NRXN3: variants seen among roughly 807,000 people sequenced by gnomAD.
NRXN3 encodes the protein neurexin 3.
In NRXN3, 32 loss-of-function variants were observed where a neutral mutation model predicts 137.6. The observed-to-expected ratio is 0.23, with a 90% confidence interval of 0.18 to 0.31. The LOEUF (loss-of-function observed/expected upper bound fraction) is 0.31, where lower values mean the gene tolerates loss of function less well. Among genes scored for constraint, NRXN3 ranks in the 10% least tolerant of loss-of-function variants. The pLI is 1.00. For missense variants in NRXN3, 1,574 were observed against 2,062.5 expected (o/e 0.76, Z 4.59); for synonymous variants, 798 against 784.5 (o/e 1.02, Z -0.29).
chr14:79,534,478 A>G (rs2097194905), intron 16 of NRXN3, among the ~76,000 whole-genome samples: 1 of 152,192 alleles, frequency 6.6e-6, no homozygotes, highest in African/African-American at 2.4e-5. Context: ...CGAATGTTCG[A>G]ACATAGCCTC....
intron 16 of NRXN3, among the ~76,000 whole-genome samples, chr14:79,522,621 ACTGT>A (rs1339630798): frequency 1.3e-5 from 2 of 152,268 alleles, no homozygotes; most frequent in Admixed American, 1.3e-4. Context: ...TAATCTGTGA[ACTGT>A]CTTTCTTCCA....
At chr14:79,435,579 G>A (rs1050817790) in intron 15 of NRXN3, among the ~76,000 whole-genome samples, 3 of 136,262 alleles carry the variant, frequency 2.2e-5, no homozygotes, top group Non-Finnish European at 4.7e-5. Context: ...TGGCAAGGAT[G>A]TAGAACACTA....
chr14:79,583,837 A>G (rs747367421), intron 16 of NRXN3, among the ~76,000 whole-genome samples: 13 of 152,210 alleles, frequency 8.5e-5, no homozygotes, highest in African/African-American at 2.4e-4. Flanking sequence ...GAATTCAGCA[A>G]AAGGATGAAT....
At position 79,671,102 on chromosome 14, in the gene NRXN3, A is replaced by C. The variant is rs575809593; in HGVS notation, c.3616+7153A>C. Among the ~76,000 whole-genome samples, 4 of 152,198 alleles carry C rather than the reference A, an allele frequency of 2.6e-5. No homozygotes were observed. The East Asian group carries it at 7.8e-4, about 30-fold the overall frequency. Reference sequence around the variant, plus strand: ...GCCGAACATTTATGACATACTCCCCACTTCATGGGCAGCATCCTACTTAGT... The same window carrying C: ...GCCGAACATTTATGACATACTCCCCCCTTCATGGGCAGCATCCTACTTAGT... On this transcript the variant is annotated intron_variant, in intron 17 of 20. Transcript: ENST00000335750.
intron 19 of NRXN3, among the ~76,000 whole-genome samples, chr14:79,792,388 CTG>C (rs1387554839): frequency 3.3e-5 from 5 of 152,180 alleles, no homozygotes; most frequent in Non-Finnish European, 7.3e-5. Flanking sequence ...TCAAATGAGA[CTG>C]TGTTGCTTAG....
intron 2 of NRXN3, among the ~76,000 whole-genome samples, chr14:78,256,027 A>G (rs2069520950): frequency 6.6e-6 from 1 of 152,230 alleles, no homozygotes; most frequent in African/African-American, 2.4e-5. Context: ...ATCTGTGTCA[A>G]GCACATACAC....
At chr14:78,588,137 C>T (rs2097084609) in intron 4 of NRXN3, among the ~76,000 whole-genome samples, 1 of 152,090 alleles carries the variant, frequency 6.6e-6, no homozygotes, top group Admixed American at 6.5e-5. Flanking sequence ...CTGAGTTTTG[C>T]ATCATAAAGT....
chr14:79,388,336 T>C (rs1221628989), intron 15 of NRXN3, among the ~76,000 whole-genome samples: 2 of 152,208 alleles, frequency 1.3e-5, no homozygotes, highest in Admixed American at 6.5e-5. Context: ...GGTATTCCTT[T>C]ATAGCAATGC....
At chr14:78,820,594 A>G (rs1198783084) in intron 10 of NRXN3, among the ~76,000 whole-genome samples, 3 of 152,132 alleles carry the variant, frequency 2.0e-5, no homozygotes, top group Non-Finnish European at 2.9e-5. Flanking sequence ...ATCTGACTAT[A>G]TAATATCTGT....
intron 1 of NRXN3, among the ~76,000 whole-genome samples, chr14:78,201,809 G>A (rs2061702968): frequency 1.3e-5 from 2 of 152,200 alleles, no homozygotes; most frequent in African/African-American, 2.4e-5. Flanking sequence ...GAGCTGTGGT[G>A]ATGCTGTCAG....
At chr14:79,806,593 C>T (rs1487945611) in intron 20 of NRXN3, among the ~76,000 whole-genome samples, 2 of 152,082 alleles carry the variant, frequency 1.3e-5, no homozygotes, top group Non-Finnish European at 2.9e-5. Context: ...AGGGCAGATA[C>T]ATCCGAACTA....
chr14:78,311,032 A>T (rs1046327973), intron 4 of NRXN3, among the ~76,000 whole-genome samples: 1 of 152,206 alleles, frequency 6.6e-6, no homozygotes, highest in African/African-American at 2.4e-5. Context: ...TGAACATATT[A>T]TTCAATCTTT....
At chr14:79,689,556 G>T (rs1453276388) in intron 17 of NRXN3, among the ~76,000 whole-genome samples, 1 of 152,068 alleles carries the variant, frequency 6.6e-6, no homozygotes, top group Non-Finnish European at 1.5e-5. Context: ...TATCCTTAGT[G>T]CCAGATACTA....
intron 16 of NRXN3, among the ~76,000 whole-genome samples, chr14:79,579,665 A>G (rs1428439598): frequency 6.6e-6 from 1 of 152,076 alleles, no homozygotes; most frequent in Non-Finnish European, 1.5e-5. Flanking sequence ...GTTTCTTTTT[A>G]AAAGATTGAT....
intron 20 of NRXN3, among the ~76,000 whole-genome samples, chr14:79,836,628 T>C (rs1191268452): frequency 6.6e-6 from 1 of 152,152 alleles, no homozygotes; most frequent in Non-Finnish European, 1.5e-5. Flanking sequence ...ATTGTTGCTG[T>C]GCCATCTCTG....
intron 4 of NRXN3, among the ~76,000 whole-genome samples, chr14:78,523,986 G>A (rs1030123): frequency 0.3 from 45,532 of 151,962 alleles, 8,367 homozygotes; most frequent in Admixed American, 0.38. Flanking sequence ...CTACAAAACA[G>A]CCCAATCAAT....
intron 15 of NRXN3, among the ~76,000 whole-genome samples, chr14:79,213,779 C>T (rs945720003): frequency 3.3e-5 from 5 of 152,150 alleles, no homozygotes; most frequent in Non-Finnish European, 5.9e-5. Flanking sequence ...GCCACATCCA[C>T]ACAGTTCTCT....
At chr14:79,421,280 A>G (rs2095572228) in intron 15 of NRXN3, among the ~76,000 whole-genome samples, 2 of 152,306 alleles carry the variant, frequency 1.3e-5, no homozygotes, top group African/African-American at 4.8e-5. Flanking sequence ...TTCAGTGGGA[A>G]AGGCTCTGAT....
chr14:79,708,495 A>AT (rs1412852918), intron 19 of NRXN3, among the ~76,000 whole-genome samples: 11 of 119,030 alleles, frequency 9.2e-5, no homozygotes, highest in East Asian at 6.9e-4. Flanking sequence ...TGAGGTAAGA[A>AT]TTGTTTTTTT....
Sources: gnomAD v4.1 joint callset for allele counts (sites outside exome capture counted in the v4.1 genomes callset) on GRCh38, gnomAD v4.1.1 for gene constraint, MANE v1.5 for transcripts, NCBI Gene and HGNC (gene_info 2026-07-23, HGNC 2026-07-21) for gene names.